The following SAMSN1 variants were observed in gnomAD, a reference collection of about 807,000 sequenced individuals.
SAMSN1 encodes the protein SAM domain-containing protein SAMSN-1.
Under a neutral mutation model 42.0 loss-of-function variants are expected in SAMSN1, and 31 were observed. The ratio of observed to expected loss-of-function variants is 0.74; its 90% CI spans 0.55 to 1.00. The LOEUF (loss-of-function observed/expected upper bound fraction) is 1.00. Among genes scored for constraint, SAMSN1 ranks in the 50% least tolerant of loss-of-function variants. SAMSN1 has a pLI of 0.00. For missense variants in SAMSN1, 464 were observed against 439.4 expected (o/e 1.06, Z -0.50); for synonymous variants, 178 against 151.9 (o/e 1.17, Z -1.26).
intron 5 of SAMSN1, 45 bp downstream of exon 5, chr21:14,510,265 G>T (rs1273789678): frequency 6.3e-7 from 1 of 1,583,952 alleles, no homozygotes; most frequent in South Asian, 1.1e-5. Flanking sequence ...CATATAATCA[G>T]CATTTGACAG....
rs540912144 is a variant in SAMSN1, at chr21:14,535,989, CT to C, written c.57+10215del. 5.1e-3 allele frequency among the ~76,000 whole-genome samples: 780 copies of C among 152,310 alleles called. 2 individuals are homozygous for C. Among genetic ancestry groups the C allele is most frequent in the Non-Finnish European group, 9.2e-3 (628 of 68,014 alleles). On this transcript the variant is annotated intron_variant, in intron 1 of 7. Transcript: ENST00000400566. ...CAGCTGTGGTGACAAATGGCTCTCT[CT>C]ATCTATGCAAGAATCACTTCATCTA...
In SAMSN1 at chr21:14,554,669, C is replaced by A. The variant is rs6516879; in HGVS notation, c.261+27467G>T. 2.0e-5 allele frequency among the ~76,000 whole-genome samples: 3 copies of A among 150,768 alleles called. No homozygotes were observed. In the South Asian group the frequency reaches 6.2e-4, roughly 31 times the overall value. The stretch of plus-strand genomic sequence containing the variant: ...ATGGGTGGGCTTGTCAGGTGATCAA[C>A]TAGCAGTTAAGTCTTTTGTTTTCTT... On this transcript the variant is annotated intron_variant, in intron 2 of 8. Coordinates refer to the SAMSN1 transcript ENST00000285670.
At chr21:14,522,690 T>C (rs1219307332) in intron 1 of SAMSN1, among the ~76,000 whole-genome samples, 1 of 152,160 alleles carries the variant, frequency 6.6e-6, no homozygotes, top group East Asian at 1.9e-4. Context: ...AATTTCTAAA[T>C]AAAGACCCAA....
At chr21:14,522,131 G>T (rs1182740622) in intron 1 of SAMSN1, among the ~76,000 whole-genome samples, 2 of 152,166 alleles carry the variant, frequency 1.3e-5, no homozygotes, top group African/African-American at 4.8e-5. Flanking sequence ...TTGAGAAAAA[G>T]CTCAGTATGT....
At chr21:14,548,536 A>G (rs1004055920), upstream of SAMSN1, among the ~76,000 whole-genome samples, 1 of 152,202 alleles carries the variant, frequency 6.6e-6, no homozygotes, top group African/African-American at 2.4e-5. Flanking sequence ...GCACTTCACC[A>G]TCTTTAACAT....
intron 3 of SAMSN1, among the ~76,000 whole-genome samples, chr21:14,515,455 A>G (rs1987872354): frequency 6.6e-6 from 1 of 152,190 alleles, no homozygotes; most frequent in Non-Finnish European, 1.5e-5. Flanking sequence ...CATGCAAAAG[A>G]ATGAAGGTGG....
At chr21:14,526,020 C>G (rs556757387) in intron 1 of SAMSN1, among the ~76,000 whole-genome samples, 1 of 152,056 alleles carries the variant, frequency 6.6e-6, no homozygotes, top group Non-Finnish European at 1.5e-5. Context: ...CTTGCACCCC[C>G]ACGCCCAGCT....
intron 2 of SAMSN1, among the ~76,000 whole-genome samples, chr21:14,558,384 A>G (rs1980832472): frequency 6.6e-6 from 1 of 152,290 alleles, no homozygotes; most frequent in East Asian, 1.9e-4. Flanking sequence ...TATTTAAAAA[A>G]AAAACACTTT....
chr21:14,486,665 T>A (rs1383897290), intron 7 of SAMSN1, among the ~76,000 whole-genome samples: 1 of 152,158 alleles, frequency 6.6e-6, no homozygotes, highest in Non-Finnish European at 1.5e-5. Flanking sequence ...ATATCCAGAA[T>A]TTTCCTATGT....
intron 1 of SAMSN1, among the ~76,000 whole-genome samples, chr21:14,538,244 C>CA (rs1269246442): frequency 2.0e-5 from 3 of 151,966 alleles, no homozygotes; most frequent in African/African-American, 7.3e-5. Flanking sequence ...CATTTTATAT[C>CA]ATGTATTTTA....
At chr21:14,597,710 G>T (rs1440556502) in intron 6 of SAMSN1, among the ~76,000 whole-genome samples, 2 of 152,162 alleles carry the variant, frequency 1.3e-5, no homozygotes, top group African/African-American at 2.4e-5. Context: ...TGCAGACATA[G>T]GGTTTCCAAC....
At chr21:14,486,335 A>G (rs1415753659) in intron 7 of SAMSN1, among the ~76,000 whole-genome samples, 1 of 152,158 alleles carries the variant, frequency 6.6e-6, no homozygotes, top group African/African-American at 2.4e-5. Context: ...TTTGCCCTTC[A>G]TTGTTCATTT....
chr21:14,569,124 C>A (rs1981207578), intron 2 of SAMSN1, among the ~76,000 whole-genome samples: 1 of 94,086 alleles, frequency 1.1e-5, no homozygotes, highest in Admixed American at 1.2e-4. Context: ...TACCTCATTT[C>A]TATTTAAAAA....
chr21:14,494,220 A>AG (rs1986814283), intron 7 of SAMSN1, among the ~76,000 whole-genome samples: 1 of 152,168 alleles, frequency 6.6e-6, no homozygotes, highest in East Asian at 1.9e-4. Context: ...GTCTATACCC[A>AG]AAGGATTATA....
At position 14,609,349 on chromosome 21, in the gene SAMSN1, T is replaced by C. The variant is rs1600961276; in HGVS notation, c.322+133A>G. The C allele has an allele frequency of 1.6e-5, 10 of 627,926 alleles. No homozygotes were observed. In the East Asian group the frequency reaches 2.8e-4, roughly 17 times the overall value. 38.9% of individuals were successfully genotyped at this position (627,926 alleles called of 1,614,324 possible). On this transcript the variant is annotated intron_variant, in intron 5 of 15. Transcript: ENST00000647101. ...TAATAATGCATATTCTATTCTATCT[T>C]ATTTGGTTTTCCTTTTTAAGTAGAC...
At chr21:14,606,115 C>T (rs1217032411) in intron 5 of SAMSN1, among the ~76,000 whole-genome samples, 3 of 152,156 alleles carry the variant, frequency 2.0e-5, no homozygotes, top group Non-Finnish European at 2.9e-5. Flanking sequence ...GCTGGGATTA[C>T]AGGCGTGAAC....
intron 6 of SAMSN1, among the ~76,000 whole-genome samples, chr21:14,594,474 T>A (rs556511468): frequency 6.6e-6 from 1 of 152,130 alleles, no homozygotes; most frequent in Non-Finnish European, 1.5e-5. Context: ...CCCACTCTAA[T>A]CCCTTAGTGC....
chr21:14,591,597 G>A (rs894821241), intron 7 of SAMSN1: 5 of 152,130 alleles, frequency 3.3e-5, no homozygotes, highest in African/African-American at 1.2e-4. Context: ...TGTGTCATAT[G>A]AGAACTACAA....
chr21:14,549,306 A>T (rs1600924606), upstream of SAMSN1, among the ~76,000 whole-genome samples: 1 of 152,146 alleles, frequency 6.6e-6, no homozygotes, highest in Non-Finnish European at 1.5e-5. Flanking sequence ...CATCAGGTTG[A>T]AGAATACAAT....
Sources: allele counts gnomAD v4.1 joint callset (sites outside exome capture counted in the v4.1 genomes callset), GRCh38; gene constraint gnomAD v4.1.1; transcripts MANE v1.5; gene names NCBI Gene and HGNC (gene_info 2026-07-23, HGNC 2026-07-21).